The following KIRREL3 variants were observed in gnomAD, a reference collection of about 807,000 sequenced individuals.
The protein encoded by KIRREL3 is kirre like nephrin family adhesion molecule 3.
Under a neutral mutation model 89.7 loss-of-function variants are expected in KIRREL3, and 36 were observed. The observed-to-expected ratio is 0.40, with a 90% CI of 0.31 to 0.53. KIRREL3 has a LOEUF of 0.53. KIRREL3 is among the 20% of genes least tolerant of loss of function. The pLI, the probability that KIRREL3 is intolerant of heterozygous loss-of-function variation, is 0.49. For synonymous variants in KIRREL3, 445 were observed against 441.4 expected (o/e 1.01, Z -0.10); for missense variants, 864 against 1,056.6 (o/e 0.82, Z 2.53).
rs1360624989 is a variant in KIRREL3, at chr11:126,903,244, C to A, written c.55+97211G>T. Among the ~76,000 whole-genome samples the A allele has an allele frequency of 2.6e-5, 4 of 152,020 alleles. No homozygotes were observed. The highest frequency in any genetic ancestry group is 9.7e-5 in the African/African-American group (4 of 41,386). ...GAAAATAACGTCCCTCTGCAATTACCATTTGGTATGAAGTTTAGGCACTCA... is the reference window on the plus strand; with the variant it reads ...GAAAATAACGTCCCTCTGCAATTACAATTTGGTATGAAGTTTAGGCACTCA... On this transcript the variant is annotated intron_variant, in intron 1 of 16. Transcript: ENST00000525144. The surrounding 1 kb of genome is among the most constrained non-coding windows in gnomAD (Gnocchi z 4.5).
intron 1 of KIRREL3, among the ~76,000 whole-genome samples, chr11:126,718,709 A>G (rs1250136233): frequency 6.6e-6 from 1 of 152,238 alleles, no homozygotes; most frequent in Admixed American, 6.5e-5. Flanking sequence ...GTAAGTTAAT[A>G]TTTAAGATGG....
At chr11:126,487,669 AGT>A (rs1295406098) in intron 4 of KIRREL3, among the ~76,000 whole-genome samples, 2 of 152,220 alleles carry the variant, frequency 1.3e-5, no homozygotes, top group Non-Finnish European at 2.9e-5. Context: ...ATTAGATGAA[AGT>A]GTTTTAATTC....
At position 126,424,839 on chromosome 11, in the gene KIRREL3, T is replaced by C. The variant is rs745799751; in HGVS notation, c.2078A>G (p.Gln693Arg). The change falls in exon 17 of 17, where the codon CAG (glutamine) becomes CGG (arginine). Residue 693 changes from glutamine to arginine, a missense_variant. By Grantham distance (43) the Gln-to-Arg change is conservative. Coordinates refer to ENST00000525144, the MANE Select transcript of KIRREL3 (RefSeq NM_032531.4). The part of the protein sequence containing the change: ...SGQGRLYDYG[Q>R]RFVLGMGSSS... ...GCTGCCCATGCCCAGCACAAACCGC[T>C]GCCCGTAGTCGTAGAGGCGGCCCTG... is the stretch of plus-strand genomic sequence containing the variant. 8 of 1,614,006 alleles carry C rather than the reference T, an allele frequency of 5.0e-6. No homozygotes were observed. In the South Asian group the frequency reaches 8.8e-5, roughly 18 times the overall value.
At chr11:126,478,046 G>A (rs563430797) in intron 4 of KIRREL3, among the ~76,000 whole-genome samples, 5 of 152,302 alleles carry the variant, frequency 3.3e-5, no homozygotes, top group Admixed American at 2.6e-4. Context: ...CAGCACTTAC[G>A]GCCCTCGCTG....
intron 1 of KIRREL3, among the ~76,000 whole-genome samples, chr11:126,986,353 T>C (rs956774277): frequency 1.3e-5 from 2 of 152,172 alleles, no homozygotes; most frequent in Non-Finnish European, 2.9e-5. Flanking sequence ...GTATTGACCT[T>C]GAATATTTTT....
intron 4 of KIRREL3, among the ~76,000 whole-genome samples, chr11:126,518,700 C>T (rs1020831591): frequency 3.3e-5 from 5 of 152,216 alleles, no homozygotes; most frequent in Non-Finnish European, 7.3e-5. Flanking sequence ...TACCTCTCTC[C>T]CATCTGTGGG....
chr11:126,589,397 A>T (rs1942031817), intron 1 of KIRREL3, among the ~76,000 whole-genome samples: 1 of 152,238 alleles, frequency 6.6e-6, no homozygotes, highest in African/African-American at 2.4e-5. Context: ...CTCCTGGTCC[A>T]GGCAGGCAGG....
At chr11:126,784,646 C>T (rs1467469253) in intron 1 of KIRREL3, among the ~76,000 whole-genome samples, 3 of 147,910 alleles carry the variant, frequency 2.0e-5, no homozygotes, top group African/African-American at 7.5e-5. Flanking sequence ...TAGGAATGAA[C>T]ATAGCCTCAT....
In KIRREL3 at chr11:126,996,301, C is replaced by G. The variant is rs1315623371; in HGVS notation, c.55+4154G>C. On this transcript the variant is annotated intron_variant, in intron 1 of 16. Transcript: ENST00000525144. This position sits in a 1 kb window ranked among gnomAD's most constrained non-coding sequence, Gnocchi z 4.7. Reference sequence around the variant, plus strand: ...GGAGGGAGAAACACACATTACTTCCCTCATCTTTTGTTTTATGACATTTCT... The same window carrying G: ...GGAGGGAGAAACACACATTACTTCCGTCATCTTTTGTTTTATGACATTTCT... Among the ~76,000 whole-genome samples, 2 of 152,226 alleles carry G rather than the reference C, an allele frequency of 1.3e-5. No individual in the cohort carries two copies. Among genetic ancestry groups the G allele is most frequent in the African/African-American group, 4.8e-5 (2 of 41,452 alleles).
At chr11:126,425,822 T>C in intron 15 of KIRREL3, 98 bp from the exon 16 acceptor site, 1 of 945,292 alleles carries the variant, frequency 1.1e-6, no homozygotes, top group Non-Finnish European at 1.6e-6. Context: ...GATTGCCCTG[T>C]ATAACCCCCA....
intron 1 of KIRREL3, among the ~76,000 whole-genome samples, chr11:126,945,554 C>G (rs1405050714): frequency 2.0e-5 from 3 of 152,160 alleles, no homozygotes; most frequent in African/African-American, 7.2e-5. Flanking sequence ...TGTGGGGAAA[C>G]AGATCTCAGG....
At chr11:126,762,073 T>A (rs1949681273) in intron 1 of KIRREL3, among the ~76,000 whole-genome samples, 1 of 152,052 alleles carries the variant, frequency 6.6e-6, no homozygotes, top group Non-Finnish European at 1.5e-5. Flanking sequence ...ACCAGTTGCA[T>A]GTTGAGGCAT....
rs756193335 is a variant in KIRREL3 at position 126,449,000 on chromosome 11, T to G, written c.997+9A>C. 6.9e-6 allele frequency: 11 copies of G among 1,600,682 alleles called. No homozygotes were observed. In the Admixed American group the frequency reaches 1.3e-4, roughly 20 times the overall value. On this transcript the variant is annotated intron_variant, in intron 8 of 16. Transcript: ENST00000525144. ...GCTCGCCTGGGGAAGCCTGCACCAC[T>G]GCACTCACAGTAGACGTCAACCGTG...
At chr11:126,910,205 T>C (rs1318643056) in intron 1 of KIRREL3, among the ~76,000 whole-genome samples, 1 of 152,104 alleles carries the variant, frequency 6.6e-6, no homozygotes, top group Non-Finnish European at 1.5e-5. Context: ...CAGGACTTCC[T>C]GGAGGAGGTG....
rs1035888209 is a variant in KIRREL3 at position 126,970,890 on chromosome 11, CAGG to C, written c.55+29562_55+29564del. On this transcript the variant is annotated intron_variant, in intron 1 of 16. Transcript: ENST00000525144. The surrounding 1 kb of genome is among the most constrained non-coding windows in gnomAD (Gnocchi z 4.4). ...CACCTGCTGCCAGGTATCTACGCAG[CAGG>C]AGAACCACAAACAGAAGCACATGGC... is the stretch of plus-strand genomic sequence containing the variant. Among the ~76,000 whole-genome samples, 2 of 152,190 alleles carry C rather than the reference CAGG, an allele frequency of 1.3e-5. No individual in the cohort carries two copies. The highest frequency in any genetic ancestry group is 4.8e-5 in the African/African-American group (2 of 41,450).
intron 7 of KIRREL3, among the ~76,000 whole-genome samples, chr11:126,449,407 C>T (rs1955941309): frequency 6.6e-6 from 1 of 152,212 alleles, no homozygotes; most frequent in Admixed American, 6.5e-5. Context: ...GTCAGTGGCA[C>T]TCAACAAGTG....
chr11:126,694,480 G>A lies in KIRREL3; in HGVS notation c.56-131568C>T, dbSNP rs11220585. ...GAAAATACTGCAGAGGAAGCAGGGCGAGCGTGGAGAATGATTGCTCAGGCC... is the reference window on the plus strand; with the variant it reads ...GAAAATACTGCAGAGGAAGCAGGGCAAGCGTGGAGAATGATTGCTCAGGCC... On this transcript the variant is annotated intron_variant, in intron 1 of 16. Transcript: ENST00000525144. The surrounding 1 kb of genome is among the most constrained non-coding windows in gnomAD (Gnocchi z 4.4). Among the ~76,000 whole-genome samples the A allele has an allele frequency of 5.2e-3, 786 of 152,272 alleles. 1 individual carries two copies. The highest frequency in any genetic ancestry group is 8.1e-3 in the Non-Finnish European group (548 of 68,032).
rs1364704681 is a variant in KIRREL3, at chr11:126,740,613, A to G, written c.56-177701T>C. Among the ~76,000 whole-genome samples, 2 of 152,134 alleles carry G rather than the reference A, an allele frequency of 1.3e-5. No homozygotes were observed. Among genetic ancestry groups the G allele is most frequent in the African/African-American group, 4.8e-5 (2 of 41,430 alleles). On this transcript the variant is annotated intron_variant, in intron 1 of 16. Coordinates refer to ENST00000525144, the MANE Select transcript of KIRREL3 (RefSeq NM_032531.4). This position sits in a 1 kb window ranked among gnomAD's most constrained non-coding sequence, Gnocchi z 6.0. Reference sequence around the variant, plus strand: ...CCCTTTTGTCTTGAGAGGGAAGGCCAATAAGATAATAATCCCTTAGCTTGA... The same window carrying G: ...CCCTTTTGTCTTGAGAGGGAAGGCCGATAAGATAATAATCCCTTAGCTTGA...
rs1945332697 is a variant in KIRREL3, at chr11:126,877,412, G to A, written c.55+123043C>T. ...CGGGGCAGAGGAAGTAGATCATTTG[G>A]TCTCTGAAACCCAAGCAGTCTGTAG... On this transcript the variant is annotated intron_variant, in intron 1 of 16. Coordinates refer to ENST00000525144, the MANE Select transcript of KIRREL3 (RefSeq NM_032531.4). The surrounding 1 kb of genome is among the most constrained non-coding windows in gnomAD (Gnocchi z 4.9). 6.6e-6 allele frequency among the ~76,000 whole-genome samples: 1 copy of A among 152,218 alleles called. No homozygotes were observed. Among genetic ancestry groups the A allele is most frequent in the Non-Finnish European group, 1.5e-5 (1 of 68,038 alleles).
Sources: gnomAD v4.1 joint callset for allele counts (sites outside exome capture counted in the v4.1 genomes callset) on GRCh38, gnomAD v4.1.1 for gene constraint, Gnocchi (gnomAD v3.1) non-coding constraint, MANE v1.5 for transcripts, NCBI Gene and HGNC (gene_info 2026-07-23, HGNC 2026-07-21) for gene names.